The following PMM2 variants were observed in gnomAD, a reference collection of about 807,000 sequenced individuals.
PMM2 encodes phosphomannomutase 2.
PMM2 carries 35 observed loss-of-function variants against 33.2 expected under a neutral mutation model. That is an observed-to-expected ratio of 1.06 (90% CI 0.81 to 1.40). PMM2 has a LOEUF of 1.40. PMM2 is among the 40% of genes most tolerant of loss of function. PMM2 has a pLI of 0.00. For missense variants in PMM2, 386 were observed against 306.0 expected (o/e 1.26, Z -1.95); for synonymous variants, 153 against 114.7 (o/e 1.33, Z -2.13).
chr16:8,809,105 G>C (rs1320530232), intron 4 of PMM2: 1 of 152,182 alleles, frequency 6.6e-6, no homozygotes, highest in African/African-American at 2.4e-5. Context: ...CTTTCTGTAG[G>C]TGAATAAGAG....
intron 7 of PMM2, among the ~76,000 whole-genome samples, chr16:8,837,353 T>C (rs2060856754): frequency 6.6e-6 from 1 of 151,864 alleles, no homozygotes; most frequent in Admixed American, 6.6e-5. Context: ...TGGGGTCAAG[T>C]GGAATTGCAG....
At chr16:8,804,028 TTTG>T (rs764525533) in intron 2 of PMM2, among the ~76,000 whole-genome samples, 1,839 of 102,462 alleles carry the variant, frequency 0.018, 59 homozygotes, top group African/African-American at 0.075. Flanking sequence ...TTGGGTTTTT[TTTG>T]TTTTTTTTTT....
chr16:8,804,838 A>G lies in PMM2; in HGVS notation c.250A>G (p.Arg84Gly). ...ATACAAAGATGGGAAACTCTTGTGTAGACAGGTAGGTTCTTGAGTATCTGA... is the reference window on the plus strand; with the variant it reads ...ATACAAAGATGGGAAACTCTTGTGTGGACAGGTAGGTTCTTGAGTATCTGA... ...VAYKDGKLLC[R>G]QNIQSHLGEA... Residue 84 changes from arginine (R) to glycine (G), a missense_variant, in exon 3 of 8, where the codon AGA becomes GGA. Transcript: ENST00000268261. 1 of 1,600,168 alleles carries G rather than the reference A, an allele frequency of 6.2e-7. No individual in the cohort carries two copies. Among genetic ancestry groups the G allele is most frequent in the Non-Finnish European group, 8.6e-7 (1 of 1,167,220 alleles).
Position 8,804,750 on chromosome 16 carries a change from T to A in PMM2, c.179-17T>A. The A allele has an allele frequency of 6.3e-7, 1 of 1,592,994 alleles. No individual in the cohort carries two copies. Reference sequence around the variant, plus strand: ...TGATTCTTTGCATTCTAAGTGTTTTTTTGGTTTTGATTGTAGTGGTTGAAA... The same window carrying A: ...TGATTCTTTGCATTCTAAGTGTTTTATTGGTTTTGATTGTAGTGGTTGAAA... On this transcript the variant is annotated splice_polypyrimidine_tract_variant and intron_variant, in intron 2 of 7. Transcript: ENST00000268261.
At chr16:8,827,116 G>C (rs1257172566) in intron 7 of PMM2, among the ~76,000 whole-genome samples, 1 of 152,010 alleles carries the variant, frequency 6.6e-6, no homozygotes, top group Non-Finnish European at 1.5e-5. Flanking sequence ...TTTTGAGAGG[G>C]GTCTGTCTGC....
At chr16:8,805,802 C>G (rs1302111164) in intron 3 of PMM2, among the ~76,000 whole-genome samples, 1 of 152,066 alleles carries the variant, frequency 6.6e-6, no homozygotes. Flanking sequence ...GTTTGCCAGG[C>G]TGGTCTCGAG....
intron 7 of PMM2, among the ~76,000 whole-genome samples, chr16:8,844,533 G>A (rs952709927): frequency 6.6e-6 from 1 of 152,112 alleles, no homozygotes; most frequent in Admixed American, 6.5e-5. Context: ...TAGAGACACG[G>A]AAAGAAGGGG....
rs2060636990 is a variant in PMM2, at chr16:8,804,760, A to T, written c.179-7A>T. On this transcript the variant is annotated splice_polypyrimidine_tract_variant and splice_region_variant and intron_variant, in intron 2 of 7. Coordinates refer to ENST00000268261, the MANE Select transcript of PMM2 (RefSeq NM_000303.3). ...CATTCTAAGTGTTTTTTTGGTTTTG[A>T]TTGTAGTGGTTGAAAAATACGATTA... 4.4e-6 allele frequency: 7 copies of T among 1,607,372 alleles called. No homozygotes were observed. The highest frequency in any genetic ancestry group is 6.0e-6 in the Non-Finnish European group (7 of 1,173,976).
intron 7 of PMM2, among the ~76,000 whole-genome samples, chr16:8,845,407 G>C (rs1242657541): frequency 2.0e-5 from 3 of 152,132 alleles, no homozygotes. Flanking sequence ...GGATGTACAC[G>C]TGTAAGTCAT....
chr16:8,847,897 C>T lies in PMM2; in HGVS notation c.*72C>T, dbSNP rs2060938770. On this transcript the variant is annotated 3_prime_UTR_variant, in exon 8 of 8. Transcript: ENST00000268261. ...GCATTCGGTGGCCAGAGCCGAGGGT[C>T]CTCCCACACGTGCTCACCCACCCGC... 8.4e-6 allele frequency: 10 copies of T among 1,194,060 alleles called. No homozygotes were observed. The South Asian group carries it at 1.1e-4, about 13-fold the overall frequency. The allele number at this position is 1,194,060 out of a possible 1,614,324, so 74.0% of individuals were successfully genotyped here.
intron 7 of PMM2, among the ~76,000 whole-genome samples, chr16:8,826,272 C>G (rs1038031326): frequency 1.3e-5 from 2 of 152,304 alleles, no homozygotes; most frequent in South Asian, 4.1e-4. Context: ...TTTAAACTCT[C>G]TAAATTAGAG....
At chr16:8,833,324 G>T (rs1596500594) in intron 7 of PMM2, among the ~76,000 whole-genome samples, 1 of 152,124 alleles carries the variant, frequency 6.6e-6, no homozygotes, top group East Asian at 1.9e-4. Flanking sequence ...AGTTTGGGTG[G>T]GGCAGAAGCA....
At chr16:8,847,685 A>C (rs903583188) in intron 7 of PMM2, 39 bp from the exon 8 acceptor site, 4 of 1,487,208 alleles carry the variant, frequency 2.7e-6, no homozygotes, top group Middle Eastern at 1.7e-4. Context: ...CCCGGGACAG[A>C]CGAGGGGGAG....
intron 7 of PMM2, among the ~76,000 whole-genome samples, chr16:8,828,025 CTTT>C (rs71153002): frequency 2.4e-4 from 16 of 66,606 alleles, no homozygotes; most frequent in East Asian, 4.5e-4. Context: ...CTGTAGAACT[CTTT>C]TTTTTTTTTT....
chr16:8,821,440 AG>A (rs1465472930), intron 7 of PMM2, among the ~76,000 whole-genome samples: 3 of 152,210 alleles, frequency 2.0e-5, no homozygotes, highest in Admixed American at 2.0e-4. Flanking sequence ...GCTAACAACC[AG>A]CCCACAGAGT....
At chr16:8,821,337 G>A (rs1279267473) in intron 7 of PMM2, among the ~76,000 whole-genome samples, 1 of 152,170 alleles carries the variant, frequency 6.6e-6, no homozygotes, top group Admixed American at 6.5e-5. Flanking sequence ...GGAGCCACGA[G>A]CTTCAGATGT....
chr16:8,825,915 C>T (rs2060765173), intron 7 of PMM2, among the ~76,000 whole-genome samples: 1 of 151,772 alleles, frequency 6.6e-6, no homozygotes, highest in Non-Finnish European at 1.5e-5. Flanking sequence ...GCCACCACGC[C>T]CGGCTAATTT....
At chr16:8,831,927 C>T (rs994449297) in intron 7 of PMM2, among the ~76,000 whole-genome samples, 1 of 152,188 alleles carries the variant, frequency 6.6e-6, no homozygotes, top group Non-Finnish European at 1.5e-5. Context: ...TCCCCCCTTC[C>T]CTCCCTTCTC....
intron 7 of PMM2, chr16:8,842,375 A>ATATT (rs1460412590): frequency 6.6e-6 from 1 of 152,236 alleles, no homozygotes; most frequent in Non-Finnish European, 1.5e-5. Flanking sequence ...AATATATTAA[A>ATATT]TAAGGTGAGA....
Sources: gnomAD v4.1 joint callset for allele counts (sites outside exome capture counted in the v4.1 genomes callset) on GRCh38, gnomAD v4.1.1 for gene constraint, MANE v1.5 for transcripts, NCBI Gene and HGNC (gene_info 2026-07-23, HGNC 2026-07-21) for gene names.